The following ABCD3 variants were observed in gnomAD, a reference collection of about 807,000 sequenced individuals.
The protein encoded by ABCD3 is ATP-binding cassette sub-family D member 3.
Under a neutral mutation model 105.5 loss-of-function variants are expected in ABCD3, and 41 were observed. The observed-to-expected ratio is 0.39, with a 90% CI of 0.30 to 0.50. The LOEUF is 0.50. Among genes scored for constraint, ABCD3 ranks in the 20% least tolerant of loss-of-function variants. The pLI, the probability that ABCD3 is intolerant of heterozygous loss-of-function variation, is 0.84. For synonymous variants in ABCD3, 258 were observed against 269.0 expected, an observed-to-expected ratio of 0.96 and a Z score of 0.40; for missense variants, 622 against 806.3, an observed-to-expected ratio of 0.77 and a Z score of 2.77.
chr1:94,475,919 G>T (rs1254758356), intron 7 of ABCD3, among the ~76,000 whole-genome samples, 182 bp downstream of exon 7: 1 of 152,032 alleles, frequency 6.6e-6, no homozygotes, highest in East Asian at 1.9e-4. Context: ...TTATTTTTGT[G>T]AGGTACTTTG....
At chr1:94,511,467 G>T (rs937210140) in intron 21 of ABCD3, among the ~76,000 whole-genome samples, 5 of 151,978 alleles carry the variant, frequency 3.3e-5, no homozygotes, top group Non-Finnish European at 5.9e-5. Context: ...ACAATTATGT[G>T]TCTTGGAGTT....
At chr1:94,486,705 C>G (rs999460608) in intron 10 of ABCD3, among the ~76,000 whole-genome samples, 5 of 152,184 alleles carry the variant, frequency 3.3e-5, no homozygotes, top group Non-Finnish European at 7.3e-5. Context: ...CAAGATCTTT[C>G]TTGAGGAGGT....
At chr1:94,397,878 G>C in the ABCD3 span, among the ~76,000 whole-genome samples, 8 of 152,034 alleles carry the variant, frequency 5.3e-5, no homozygotes, top group Admixed American at 5.2e-4. Flanking sequence ...CTACCATTCT[G>C]TTTCTCTTTA....
At chr1:94,512,777 G>C (rs1650745538) in intron 21 of ABCD3, among the ~76,000 whole-genome samples, 1 of 151,928 alleles carries the variant, frequency 6.6e-6, no homozygotes, top group Admixed American at 6.6e-5. Flanking sequence ...TCTATACTAT[G>C]GTTAAATTTT....
At chr1:94,496,528 C>CTT (rs1649806128) in intron 16 of ABCD3, among the ~76,000 whole-genome samples, 1 of 151,194 alleles carries the variant, frequency 6.6e-6, no homozygotes, top group African/African-American at 2.4e-5. Context: ...TTGCTTCCAC[C>CTT]TTTTGGCTAT....
intron 2 of ABCD3, among the ~76,000 whole-genome samples, chr1:94,461,760 G>A (rs777851299): frequency 6.6e-6 from 1 of 152,104 alleles, no homozygotes; most frequent in Non-Finnish European, 1.5e-5. Flanking sequence ...TTATAAACGA[G>A]TACGATGTTT....
chr1:94,440,312 T>C lies in ABCD3; in HGVS notation c.111-18295T>C, dbSNP rs554919866. Among the ~76,000 whole-genome samples the C allele has an allele frequency of 5.3e-5, 8 of 152,358 alleles. No individual in the cohort carries two copies. The East Asian group carries it at 1.5e-3, about 29-fold the overall frequency. ...TCTACAGCACCCTCTTCTGTTGTTT[T>C]CAAGTAGTGTTTGAAAATACTGTTT... is the stretch of plus-strand genomic sequence containing the variant. On this transcript the variant is annotated intron_variant, in intron 1 of 22. Transcript: ENST00000370214.
chr1:94,515,220 T>G lies in ABCD3; in HGVS notation c.1902+18T>G. On this transcript the variant is annotated intron_variant, in intron 22 of 22. Transcript: ENST00000370214. ...ATCATGAGGTTTGTATTTCTTTCAT[T>G]GAATGGTACAGTGAAATTTTATTTT... 6.3e-7 allele frequency: 1 copy of G among 1,585,482 alleles called. No homozygotes were observed. Among genetic ancestry groups the G allele is most frequent in the Non-Finnish European group, 8.7e-7 (1 of 1,155,086 alleles).
In ABCD3 at chr1:94,443,137, G is replaced by A. The variant is rs935784786; in HGVS notation, c.111-15470G>A. Among the ~76,000 whole-genome samples the A allele has an allele frequency of 4.6e-5, 7 of 151,954 alleles. No homozygotes were observed. In the East Asian group the frequency reaches 1.3e-3, roughly 29 times the overall value. The stretch of plus-strand genomic sequence containing the variant: ...TCCTTGCCAACATCTGTTGTTTTTT[G>A]ACTTTTTAATAATAGCCATTTTGAC... On this transcript the variant is annotated intron_variant, in intron 1 of 22. Transcript: ENST00000370214.
chr1:94,405,664 T>C, the ABCD3 span, among the ~76,000 whole-genome samples: 1 of 152,210 alleles, frequency 6.6e-6, no homozygotes, highest in African/African-American at 2.4e-5. Context: ...TAGTTTATCT[T>C]GCATTTCTTT....
the ABCD3 span, among the ~76,000 whole-genome samples, chr1:94,395,429 G>C: frequency 6.6e-6 from 1 of 152,126 alleles, no homozygotes; most frequent in Non-Finnish European, 1.5e-5. Flanking sequence ...TACTGAAACC[G>C]GTGAGAGCTG....
the ABCD3 span, among the ~76,000 whole-genome samples, chr1:94,401,625 A>AT: frequency 6.6e-6 from 1 of 152,142 alleles, no homozygotes; most frequent in Non-Finnish European, 1.5e-5. Flanking sequence ...TTTCTTTCAT[A>AT]TTTTTAGATA....
At position 94,467,210 on chromosome 1, in the gene ABCD3, C is replaced by T. The variant is rs144540899; in HGVS notation, c.247-709C>T. ...TCATATGATTTTAATCCCTTTTTTCCCCCATTAAATCCTTCATCTTTTTTA... is the reference window on the plus strand; with the variant it reads ...TCATATGATTTTAATCCCTTTTTTCTCCCATTAAATCCTTCATCTTTTTTA... On this transcript the variant is annotated intron_variant, in intron 3 of 22. Transcript: ENST00000370214. Among the ~76,000 whole-genome samples, 559 of 151,958 alleles carry T rather than the reference C, an allele frequency of 3.7e-3. 1 individual carries two copies. The highest frequency in any genetic ancestry group is 0.013 in the African/African-American group (532 of 41,418).
rs1161408369 is a variant in ABCD3 at position 94,517,818 on chromosome 1, G to T, written c.*689G>T. The stretch of plus-strand genomic sequence containing the variant: ...TGTGCAGTCTTGCTTACAAGGAGGG[G>T]TTACCATGTATCACACCTAATCTTC... On this transcript the variant is annotated 3_prime_UTR_variant, in exon 23 of 23. Coordinates refer to ENST00000370214, the MANE Select transcript of ABCD3 (RefSeq NM_002858.4). 1 of 152,386 alleles carries T rather than the reference G, an allele frequency of 6.6e-6. No homozygotes were observed. The allele number at this position is 152,386 out of a possible 1,614,324, so 9.4% of individuals were successfully genotyped here. A position where few individuals can be genotyped will look rare whatever the true frequency, so the allele number is the denominator to read the frequency against.
At chr1:94,463,930 A>G (rs971942085) in intron 2 of ABCD3, among the ~76,000 whole-genome samples, 3 of 151,952 alleles carry the variant, frequency 2.0e-5, no homozygotes, top group South Asian at 4.2e-4. Context: ...GTGCACACCG[A>G]TTTTATTTCC....
At chr1:94,493,656 C>A (rs1435127729) in intron 16 of ABCD3, among the ~76,000 whole-genome samples, 1 of 151,606 alleles carries the variant, frequency 6.6e-6, no homozygotes, top group Non-Finnish European at 1.5e-5. Flanking sequence ...ATGTTTATTG[C>A]GGCACTATTC....
rs562817751 is a variant in ABCD3, at chr1:94,434,695, T to C, written c.110+16107T>C. ...ACTCTAAGAGTTAAGGCACCTTTTATTGTAGATTATACCACAGACAGAAAA... is the reference window on the plus strand; with the variant it reads ...ACTCTAAGAGTTAAGGCACCTTTTACTGTAGATTATACCACAGACAGAAAA... On this transcript the variant is annotated intron_variant, in intron 1 of 22. Coordinates refer to ENST00000370214, the MANE Select transcript of ABCD3 (RefSeq NM_002858.4). Among the ~76,000 whole-genome samples the C allele has an allele frequency of 2.6e-3, 396 of 152,348 alleles. 3 individuals are homozygous for C. The highest frequency in any genetic ancestry group is 9.2e-3 in the African/African-American group (383 of 41,584).
intron 1 of ABCD3, among the ~76,000 whole-genome samples, chr1:94,425,392 C>G (rs1233439711): frequency 6.6e-6 from 1 of 152,128 alleles, no homozygotes; most frequent in Admixed American, 6.5e-5. Context: ...TAAAGAAATA[C>G]GTAAATATTC....
At chr1:94,470,229 C>A (rs1270055432) in intron 4 of ABCD3, among the ~76,000 whole-genome samples, 1 of 152,084 alleles carries the variant, frequency 6.6e-6, no homozygotes, top group African/African-American at 2.4e-5. Flanking sequence ...TTGTGCATTC[C>A]AAGTTGGAAT....
Sources: gnomAD v4.1 joint callset for allele counts (sites outside exome capture counted in the v4.1 genomes callset) on GRCh38, gnomAD v4.1.1 for gene constraint, MANE v1.5 for transcripts, NCBI Gene and HGNC (gene_info 2026-07-23, HGNC 2026-07-21) for gene names.